The following CCNB3 variants were observed in gnomAD, a reference collection of about 807,000 sequenced individuals.
CCNB3 encodes the protein cyclin B3, also known as G2/mitotic-specific cyclin-B3.
A neutral mutation model predicts 68.0 loss-of-function variants in CCNB3; 12 were observed. The ratio of observed to expected loss-of-function variants is 0.18; its 90% confidence interval spans 0.11 to 0.29. CCNB3 has a LOEUF of 0.29. CCNB3 is among the 10% of genes least tolerant of loss of function. CCNB3 has a pLI of 1.00. For missense variants in CCNB3, 904 were observed against 993.1 expected (o/e 0.91, Z 1.21); for synonymous variants, 354 against 388.9 (o/e 0.91, Z 1.06).
chrX:50,223,341 C>A (rs1272057914), intron 1 of CCNB3, among the ~76,000 whole-genome samples: 1 of 111,455 alleles, frequency 9.0e-6, no homozygotes, highest in Non-Finnish European at 1.9e-5. Context: ...GGAGAAGAGG[C>A]ATTCTGGTTT....
chrX:50,203,837 T>G (rs1472284699), upstream of CCNB3, among the ~76,000 whole-genome samples: 3 of 111,778 alleles, frequency 2.7e-5, no homozygotes, highest in African/African-American at 9.8e-5. Context: ...GCAGCTAAAG[T>G]TCTGTTCCAT....
At chrX:50,341,329 C>CAATA (rs199995900) in intron 8 of CCNB3, among the ~76,000 whole-genome samples, 29,738 of 86,533 alleles carry the variant, frequency 0.34, 4,942 homozygotes, top group Middle Eastern at 0.48. Context: ...AACTCCGTCT[C>CAATA]AATAAATAAA....
At chrX:50,328,477 T>G (rs1922406274) in intron 8 of CCNB3, among the ~76,000 whole-genome samples, 1 of 110,809 alleles carries the variant, frequency 9.0e-6, no homozygotes, top group African/African-American at 3.3e-5. Flanking sequence ...CAACCAGATT[T>G]TGCAAGAACT....
intron 1 of CCNB3, among the ~76,000 whole-genome samples, chrX:50,227,199 G>T (rs1433069715): frequency 2.7e-5 from 2 of 75,118 alleles, no homozygotes; most frequent in African/African-American, 5.3e-5. Context: ...TATATATAGA[G>T]AATATATATA....
rs1326295490 is a variant in CCNB3, at chrX:50,297,411, G to C, written c.335+2418G>C. 8.1e-5 allele frequency among the ~76,000 whole-genome samples: 9 copies of C among 111,186 alleles called. No homozygotes were observed. The East Asian group carries it at 1.7e-3, about 21-fold the overall frequency. ...AATCCTTTCCCCATTGCTTGTTTTT[G>C]TCAGGTTTGTCAAAGATCAGATAGT... On this transcript the variant is annotated intron_variant, in intron 5 of 12. Transcript: ENST00000376042.
At chrX:50,219,883 T>C (rs1336032977) in intron 1 of CCNB3, among the ~76,000 whole-genome samples, 2 of 112,043 alleles carry the variant, frequency 1.8e-5, no homozygotes, top group African/African-American at 6.5e-5. Flanking sequence ...TTTTATGATA[T>C]TGATTCTTCC....
chrX:50,222,406 G>A (rs1935687076), intron 1 of CCNB3, among the ~76,000 whole-genome samples: 1 of 111,474 alleles, frequency 9.0e-6, no homozygotes, highest in African/African-American at 3.3e-5. Context: ...GCTGGTACTG[G>A]TTTTTTCTTT....
At chrX:50,344,206 T>C (rs1040267122) in intron 9 of CCNB3, among the ~76,000 whole-genome samples, 9 of 112,215 alleles carry the variant, frequency 8.0e-5, no homozygotes, top group South Asian at 3.8e-4. Flanking sequence ...ATAACCTGGG[T>C]GTGTAGGCTG....
At chrX:50,285,419 G>A (rs953433734) in intron 3 of CCNB3, among the ~76,000 whole-genome samples, 160 bp downstream of exon 3, 5 of 111,232 alleles carry the variant, frequency 4.5e-5, no homozygotes, top group African/African-American at 1.6e-4. Flanking sequence ...CAGCAAATTA[G>A]AACTTGGGGA....
intron 1 of CCNB3, among the ~76,000 whole-genome samples, chrX:50,280,158 A>G (rs1156337533): frequency 3.2e-5 from 3 of 94,226 alleles, no homozygotes; most frequent in Non-Finnish European, 4.0e-5. Flanking sequence ...TAGAATATAT[A>G]TAAATATATA....
intron 8 of CCNB3, among the ~76,000 whole-genome samples, chrX:50,331,932 C>A (rs1922617570): frequency 9.0e-6 from 1 of 111,548 alleles, no homozygotes; most frequent in Non-Finnish European, 1.9e-5. Context: ...GGAAGAGCCA[C>A]TTTTTCCTTT....
At chrX:50,221,678 T>C (rs2146987039) in intron 1 of CCNB3, among the ~76,000 whole-genome samples, 1 of 111,459 alleles carries the variant, frequency 9.0e-6, no homozygotes, top group African/African-American at 3.3e-5. Context: ...CTGAGGAGTG[T>C]TTTACTTCCA....
At chrX:50,288,324 A>G (rs1166007184) in intron 3 of CCNB3, among the ~76,000 whole-genome samples, 1 of 110,286 alleles carries the variant, frequency 9.1e-6, no homozygotes, top group Non-Finnish European at 1.9e-5. Flanking sequence ...TTAAATTATT[A>G]AACTGATCTA....
At chrX:50,216,329 C>T (rs1316665947) in intron 1 of CCNB3, among the ~76,000 whole-genome samples, 5 of 108,440 alleles carry the variant, frequency 4.6e-5, no homozygotes, top group East Asian at 2.9e-4. Flanking sequence ...AGTGCAGTGG[C>T]GCAATCTCAG....
At chrX:50,227,721 T>G (rs1433516149) in intron 1 of CCNB3, among the ~76,000 whole-genome samples, 6 of 81,158 alleles carry the variant, frequency 7.4e-5, no homozygotes, top group South Asian at 5.5e-4. Flanking sequence ...TATAAATATA[T>G]AGAGAGATAA....
chrX:50,337,553 C>T (rs1557219016), intron 8 of CCNB3, among the ~76,000 whole-genome samples: 1 of 111,262 alleles, frequency 9.0e-6, no homozygotes. Context: ...TCCAGGCTTC[C>T]TTCTGATGGC....
Position 50,227,997 on chromosome X carries a change from TAGAGAATATATATAAATATATAG to T in CCNB3, c.-113+23062_-113+23084del, listed in dbSNP as rs1935941311. On this transcript the variant is annotated intron_variant, in intron 1 of 12. Transcript: ENST00000376042. ...TAGAGAGAATATATATAAATATATATAGAGAATATATATAAATATATAGAGAGAATATATATAGAGAGAATATA... is the reference window on the plus strand; with the variant it reads ...TAGAGAGAATATATATAAATATATATAGAGAATATATATAGAGAGAATATA... Among the ~76,000 whole-genome samples, 22 of 80,469 alleles carry T rather than the reference TAGAGAATATATATAAATATATAG, an allele frequency of 2.7e-4. 1 individual carries two copies. The Admixed American group carries it at 3.2e-3, about 12-fold the overall frequency. 69.9% of individuals were successfully genotyped at this position (80,469 alleles called of 115,157 possible).
intron 7 of CCNB3, among the ~76,000 whole-genome samples, chrX:50,313,554 G>A (rs1439758336): frequency 3.6e-5 from 4 of 111,975 alleles, no homozygotes; most frequent in Non-Finnish European, 7.5e-5. Flanking sequence ...ATGGTATTGT[G>A]CTTTAGATTG....
intron 1 of CCNB3, among the ~76,000 whole-genome samples, chrX:50,279,363 T>C (rs1416365698): frequency 1.3e-5 from 1 of 77,648 alleles, no homozygotes. Context: ...AGGATATTTA[T>C]ATGAATATAT....
Sources: gnomAD v4.1 joint callset for allele counts (sites outside exome capture counted in the v4.1 genomes callset) on GRCh38, gnomAD v4.1.1 for gene constraint, MANE v1.5 for transcripts, NCBI Gene and HGNC (gene_info 2026-07-23, HGNC 2026-07-21) for gene names.